The following LDB2 variants were observed in gnomAD, a reference collection of about 807,000 sequenced individuals.
LDB2 encodes LIM domain binding 2.
In LDB2, 12 loss-of-function variants were observed where a neutral mutation model predicts 44.3. The ratio of observed to expected loss-of-function variants is 0.27; its 90% CI spans 0.17 to 0.44. The LOEUF is 0.44. LDB2 is among the 20% of genes least tolerant of loss of function. The pLI is 1.00. For missense variants in LDB2, 344 were observed against 473.5 expected (o/e 0.73, Z 2.54); for synonymous variants, 164 against 174.8 (o/e 0.94, Z 0.49).
intron 2 of LDB2, among the ~76,000 whole-genome samples, chr4:16,661,668 C>T (rs994841689): frequency 3.3e-5 from 5 of 152,100 alleles, no homozygotes; most frequent in African/African-American, 1.2e-4. Context: ...TTACAGATGC[C>T]TTTGGCCCAA....
At chr4:16,865,552 A>G (rs1714404518) in intron 1 of LDB2, among the ~76,000 whole-genome samples, 1 of 152,140 alleles carries the variant, frequency 6.6e-6, no homozygotes, top group South Asian at 2.1e-4. Flanking sequence ...CTCCAAGAGA[A>G]GGGCCATTTT....
chr4:16,527,658 T>A, intron 5 of LDB2, among the ~76,000 whole-genome samples: 1 of 152,132 alleles, frequency 6.6e-6, no homozygotes, highest in Non-Finnish European at 1.5e-5. Flanking sequence ...TGCGAAAATG[T>A]GGAACCAGCC....
chr4:16,561,817 C>G lies in LDB2; in HGVS notation c.615+24105G>C, dbSNP rs1234931685. ...AGGCATCACGCTACCTGACTTCAAA[C>G]TATACTACAGGCTACAGTAACCAAA... On this transcript the variant is annotated intron_variant, in intron 5 of 7. Transcript: ENST00000304523. 4.6e-5 allele frequency among the ~76,000 whole-genome samples: 7 copies of G among 152,208 alleles called. No homozygotes were observed. The East Asian group carries it at 1.3e-3, about 29-fold the overall frequency.
chr4:16,668,838 C>A (rs1360074674), intron 2 of LDB2, among the ~76,000 whole-genome samples: 1 of 152,172 alleles, frequency 6.6e-6, no homozygotes, highest in African/African-American at 2.4e-5. Context: ...TGCCTTAGTT[C>A]ATTTTGACCT....
chr4:16,722,057 T>G (rs192128605), intron 2 of LDB2, among the ~76,000 whole-genome samples: 7 of 152,248 alleles, frequency 4.6e-5, no homozygotes, highest in Middle Eastern at 6.8e-3. Context: ...ACAATCTGGG[T>G]TCTAGATTCA....
chr4:16,893,819 A>G (rs188394995), intron 1 of LDB2, among the ~76,000 whole-genome samples: 32 of 152,174 alleles, frequency 2.1e-4, no homozygotes, highest in African/African-American at 5.3e-4. Flanking sequence ...TGGTGCCAAC[A>G]TGAAGAACTA....
chr4:16,604,093 T>G (rs985226467), intron 2 of LDB2, among the ~76,000 whole-genome samples: 2 of 152,160 alleles, frequency 1.3e-5, no homozygotes, highest in East Asian at 1.9e-4. Flanking sequence ...CCTCAGTAGA[T>G]CCTCCTGCCT....
chr4:16,870,692 G>A (rs537727105), intron 1 of LDB2, among the ~76,000 whole-genome samples: 3 of 151,852 alleles, frequency 2.0e-5, no homozygotes, highest in Admixed American at 6.6e-5. Context: ...GGAGTGCAGC[G>A]GTGCAATCTC....
intron 2 of LDB2, among the ~76,000 whole-genome samples, chr4:16,620,161 A>G (rs1244978730): frequency 6.6e-6 from 1 of 152,160 alleles, no homozygotes; most frequent in Non-Finnish European, 1.5e-5. Flanking sequence ...TCGCCTCCAT[A>G]TCTTTAATGT....
chr4:16,762,283 C>A (rs941939813), intron 1 of LDB2, among the ~76,000 whole-genome samples: 4 of 152,162 alleles, frequency 2.6e-5, no homozygotes, highest in Non-Finnish European at 5.9e-5. Context: ...TTTTCCCTGG[C>A]AACAGCATCT....
At chr4:16,702,927 C>T (rs781122891) in intron 2 of LDB2, among the ~76,000 whole-genome samples, 1 of 152,184 alleles carries the variant, frequency 6.6e-6, no homozygotes, top group South Asian at 2.1e-4. Flanking sequence ...GCCCCATGCA[C>T]CCTCCTCACC....
At chr4:16,865,853 C>T (rs1369321540) in intron 1 of LDB2, among the ~76,000 whole-genome samples, 1 of 152,174 alleles carries the variant, frequency 6.6e-6, no homozygotes, top group Non-Finnish European at 1.5e-5. Context: ...CAAACACATT[C>T]CCACCTTTGT....
chr4:16,564,498 A>C (rs935264806), intron 5 of LDB2, among the ~76,000 whole-genome samples: 7 of 152,212 alleles, frequency 4.6e-5, no homozygotes, highest in Non-Finnish European at 1.0e-4. Context: ...CCTGCTCTAC[A>C]AGCTAAAATG....
chr4:16,686,144 G>A (rs78245334), intron 2 of LDB2, among the ~76,000 whole-genome samples: 5,712 of 152,192 alleles, frequency 0.038, 397 homozygotes, highest in African/African-American at 0.13. Context: ...AGAGCCACTC[G>A]AAGCAGAGAG....
intron 5 of LDB2, among the ~76,000 whole-genome samples, chr4:16,528,329 A>G (rs1728955519): frequency 6.6e-6 from 1 of 152,220 alleles, no homozygotes; most frequent in Non-Finnish European, 1.5e-5. Flanking sequence ...ATGTAACCAA[A>G]TACCACCCGT....
intron 5 of LDB2, among the ~76,000 whole-genome samples, chr4:16,563,697 A>G (rs190191865): frequency 0.011 from 1,643 of 149,976 alleles, 34 homozygotes; most frequent in African/African-American, 0.038. Flanking sequence ...TGACCTCGTG[A>G]TCTGCCCGCC....
intron 2 of LDB2, among the ~76,000 whole-genome samples, chr4:16,706,699 G>A (rs1754688925): frequency 6.6e-6 from 1 of 152,188 alleles, no homozygotes; most frequent in Non-Finnish European, 1.5e-5. Context: ...AAGAGAAGGA[G>A]TATTTAACTC....
chr4:16,651,545 C>G (rs994151548), intron 2 of LDB2, among the ~76,000 whole-genome samples: 2 of 151,866 alleles, frequency 1.3e-5, no homozygotes, highest in African/African-American at 4.8e-5. Flanking sequence ...AGATGCCTCA[C>G]TCCCTCAGTT....
chr4:16,759,445 A>C, intron 1 of LDB2, 185 bp from the exon 2 acceptor site: 2 of 564,458 alleles, frequency 3.5e-6, no homozygotes, highest in East Asian at 5.7e-5. Context: ...AATAGGAACC[A>C]AATTCCAATT....
Sources: allele counts gnomAD v4.1 joint callset (sites outside exome capture counted in the v4.1 genomes callset), GRCh38; gene constraint gnomAD v4.1.1; transcripts MANE v1.5; gene names NCBI Gene and HGNC (gene_info 2026-07-23, HGNC 2026-07-21).